The following DYM variants were observed in gnomAD, a reference collection of about 807,000 sequenced individuals.
DYM encodes the protein dyggve-Melchior-Clausen syndrome protein.
DYM carries 78 observed loss-of-function variants against 93.1 expected under a neutral mutation model. The observed-to-expected ratio is 0.84, with a 90% CI of 0.70 to 1.01. DYM has a LOEUF of 1.01. Among genes scored for constraint, DYM ranks in the 50% least tolerant of loss-of-function variants. The pLI is 0.00. For synonymous variants in DYM, 321 were observed against 319.7 expected (o/e 1.00, Z -0.04); for missense variants, 789 against 845.0 (o/e 0.93, Z 0.82).
intron 6 of DYM, among the ~76,000 whole-genome samples, chr18:49,342,274 A>G (rs1285649830): frequency 1.3e-5 from 2 of 152,170 alleles, no homozygotes; most frequent in African/African-American, 4.8e-5. Flanking sequence ...GTGACTCCTT[A>G]TATCACATCT....
intron 2 of DYM, among the ~76,000 whole-genome samples, chr18:49,404,564 G>A (rs1429054089): frequency 6.6e-6 from 1 of 152,094 alleles, no homozygotes; most frequent in African/African-American, 2.4e-5. Flanking sequence ...CCTTTTCTCT[G>A]CAGCCTCACC....
chr18:49,436,871 T>C (rs192067094), intron 1 of DYM, among the ~76,000 whole-genome samples: 25 of 152,332 alleles, frequency 1.6e-4, no homozygotes, highest in African/African-American at 5.5e-4. Context: ...CTCAGTTAAA[T>C]AGACCAGTAT....
At chr18:49,123,644 A>G (rs1486266579) in intron 15 of DYM, among the ~76,000 whole-genome samples, 2 of 152,178 alleles carry the variant, frequency 1.3e-5, no homozygotes, top group Non-Finnish European at 2.9e-5. Flanking sequence ...CCATCAAGAA[A>G]TAGCTGTCTC....
At chr18:49,206,011 G>GTTTGTTTGTTTTTTGTTTTTTTTTT (rs2092475166) in intron 14 of DYM, 10 of 135,984 alleles carry the variant, frequency 7.4e-5, no homozygotes, top group African/African-American at 2.4e-4. Flanking sequence ...TTGTTTTTTT[G>GTTTGTTTGTTTTTTGTTTTTTTTTT]TTTTTTGCGG....
chr18:49,271,804 T>C (rs2094706481), intron 11 of DYM, among the ~76,000 whole-genome samples: 1 of 152,042 alleles, frequency 6.6e-6, no homozygotes, highest in Non-Finnish European at 1.5e-5. Flanking sequence ...ACAATGGATT[T>C]CTCAAACTTC....
intron 5 of DYM, among the ~76,000 whole-genome samples, chr18:49,367,469 G>C (rs2066624151): frequency 6.6e-6 from 1 of 152,202 alleles, no homozygotes; most frequent in Non-Finnish European, 1.5e-5. Context: ...TGCTGAGTGA[G>C]ACAGCACTGT....
At chr18:49,318,731 T>G (rs1454924805) in intron 8 of DYM, among the ~76,000 whole-genome samples, 1 of 152,132 alleles carries the variant, frequency 6.6e-6, no homozygotes, top group Non-Finnish European at 1.5e-5. Context: ...CCCACAATTT[T>G]TTAGTTACTC....
intron 2 of DYM, among the ~76,000 whole-genome samples, chr18:49,420,193 G>C (rs1344654763): frequency 7.4e-6 from 1 of 134,464 alleles, no homozygotes; most frequent in African/African-American, 2.7e-5. Flanking sequence ...TTGAGATGGA[G>C]TCTTGCTCTT....
At chr18:49,334,574 TAATGGGG>T (rs1343063950) in intron 6 of DYM, among the ~76,000 whole-genome samples, 4 of 152,166 alleles carry the variant, frequency 2.6e-5, no homozygotes, top group African/African-American at 9.7e-5. Context: ...AACAGGATTA[TAATGGGG>T]AACATGTTAA....
At chr18:49,177,315 T>C (rs1395000523) in intron 14 of DYM, among the ~76,000 whole-genome samples, 28 of 152,146 alleles carry the variant, frequency 1.8e-4, no homozygotes, top group Non-Finnish European at 2.1e-4. Context: ...ATATGTCAGA[T>C]TTTACAAAGA....
chr18:49,151,132 A>C (rs1396320921), intron 15 of DYM, among the ~76,000 whole-genome samples: 1 of 152,252 alleles, frequency 6.6e-6, no homozygotes, highest in African/African-American at 2.4e-5. Flanking sequence ...CAAAGAATTC[A>C]TGAATAAATT....
At chr18:49,276,882 G>A (rs887128579) in intron 10 of DYM, among the ~76,000 whole-genome samples, 1 of 152,132 alleles carries the variant, frequency 6.6e-6, no homozygotes, top group African/African-American at 2.4e-5. Flanking sequence ...TAAAGATGTT[G>A]CAATAATTTT....
chr18:49,120,604 T>C (rs1354167035), intron 15 of DYM, among the ~76,000 whole-genome samples: 1 of 152,202 alleles, frequency 6.6e-6, no homozygotes, highest in Non-Finnish European at 1.5e-5. Flanking sequence ...GCCAACTGTA[T>C]GTACTTTCAA....
chr18:49,093,867 A>G (rs2079308668), intron 17 of DYM, among the ~76,000 whole-genome samples: 1 of 152,252 alleles, frequency 6.6e-6, no homozygotes, highest in African/African-American at 2.4e-5. Context: ...GTTAGTTGAT[A>G]TGATTTTTTA....
intron 14 of DYM, among the ~76,000 whole-genome samples, chr18:49,168,665 C>T (rs1349311186): frequency 6.6e-6 from 1 of 152,036 alleles, no homozygotes; most frequent in Non-Finnish European, 1.5e-5. Flanking sequence ...AGAGACATGG[C>T]TCCCCGCCCC....
intron 14 of DYM, among the ~76,000 whole-genome samples, chr18:49,176,519 T>C (rs2089395615): frequency 6.6e-6 from 1 of 150,924 alleles, no homozygotes; most frequent in Admixed American, 6.6e-5. Flanking sequence ...CAAGTGATTC[T>C]CCAGCTTCAG....
chr18:49,450,850 ATTG>A (rs1466987298), intron 1 of DYM, among the ~76,000 whole-genome samples: 1 of 152,208 alleles, frequency 6.6e-6, no homozygotes, highest in African/African-American at 2.4e-5. Context: ...TGCACAGACA[ATTG>A]TTGTTTTGCT....
chr18:49,229,644 A>G (rs890302707), intron 13 of DYM, among the ~76,000 whole-genome samples: 6 of 152,184 alleles, frequency 3.9e-5, no homozygotes, highest in Non-Finnish European at 2.9e-5. Flanking sequence ...TGGAGCAACT[A>G]GAACTGTCAT....
At chr18:49,321,813 T>C (rs1475552349) in intron 8 of DYM, among the ~76,000 whole-genome samples, 1 of 152,078 alleles carries the variant, frequency 6.6e-6, no homozygotes, top group African/African-American at 2.4e-5. Context: ...TTATTCCAAA[T>C]AGAGATGAAA....
Sources: allele counts gnomAD v4.1 joint callset (sites outside exome capture counted in the v4.1 genomes callset), GRCh38; gene constraint gnomAD v4.1.1; transcripts MANE v1.5; gene names NCBI Gene and HGNC (gene_info 2026-07-23, HGNC 2026-07-21).